Variants in CDH12 observed in about 807,000 individuals in gnomAD.
The protein encoded by CDH12 is cadherin 12.
Under a neutral mutation model 74.1 loss-of-function variants are expected in CDH12, and 41 were observed. The ratio of observed to expected loss-of-function variants is 0.55; its 90% CI spans 0.43 to 0.72. CDH12 has a LOEUF of 0.72. Ranked by LOEUF, CDH12 falls within the 30% of genes least tolerant of loss-of-function variation. The pLI, the probability that CDH12 is intolerant of heterozygous loss-of-function variation, is 0.00. For synonymous variants in CDH12, 399 were observed against 355.0 expected, an observed-to-expected ratio of 1.12 and a Z score of -1.39; for missense variants, 945 against 977.2, an observed-to-expected ratio of 0.97 and a Z score of 0.44.
chr5:22,737,976 G>A (rs573855425), intron 1 of CDH12, among the ~76,000 whole-genome samples: 248 of 152,086 alleles, frequency 1.6e-3, no homozygotes, highest in Non-Finnish European at 2.4e-3. Context: ...TGTAAATTTC[G>A]TTAGTTATGA....
At chr5:22,257,205 GTA>G (rs1472170366) in intron 3 of CDH12, among the ~76,000 whole-genome samples, 1 of 152,040 alleles carries the variant, frequency 6.6e-6, no homozygotes, top group Non-Finnish European at 1.5e-5. Flanking sequence ...AGAGAACCAG[GTA>G]AAATAACTGT....
At chr5:22,828,880 T>C (rs1736455939) in intron 1 of CDH12, among the ~76,000 whole-genome samples, 1 of 152,180 alleles carries the variant, frequency 6.6e-6, no homozygotes, top group Non-Finnish European at 1.5e-5. Flanking sequence ...TTTTCATTCA[T>C]ATCTCCATTC....
chr5:22,370,742 G>A (rs1222299473), intron 3 of CDH12, among the ~76,000 whole-genome samples: 1 of 152,028 alleles, frequency 6.6e-6, no homozygotes, highest in Non-Finnish European at 1.5e-5. Flanking sequence ...TGAGAAAACC[G>A]ATTAAAAACA....
At chr5:22,383,780 C>T (rs577180660) in intron 3 of CDH12, among the ~76,000 whole-genome samples, 1 of 152,112 alleles carries the variant, frequency 6.6e-6, no homozygotes, top group Non-Finnish European at 1.5e-5. Context: ...GATTGTTCAT[C>T]TAAGATGCTA....
At chr5:22,177,693 T>C (rs1222422133) in intron 4 of CDH12, among the ~76,000 whole-genome samples, 1 of 152,006 alleles carries the variant, frequency 6.6e-6, no homozygotes, top group Non-Finnish European at 1.5e-5. Flanking sequence ...TCTGTGAGAC[T>C]TGGAAAAATA....
At chr5:22,480,521 G>A (rs948587030) in intron 2 of CDH12, among the ~76,000 whole-genome samples, 7 of 151,546 alleles carry the variant, frequency 4.6e-5, no homozygotes, top group African/African-American at 7.3e-5. Context: ...GGAATTTGAG[G>A]CTGCAGTGAG....
chr5:21,873,361 A>T (rs995714478), intron 6 of CDH12, among the ~76,000 whole-genome samples: 2 of 152,216 alleles, frequency 1.3e-5, no homozygotes, highest in African/African-American at 4.8e-5. Context: ...TAAAGCCAAC[A>T]AAATCAGAAG....
At chr5:21,809,402 G>A (rs1320583496) in intron 9 of CDH12, among the ~76,000 whole-genome samples, 1 of 152,012 alleles carries the variant, frequency 6.6e-6, no homozygotes, top group African/African-American at 2.4e-5. Context: ...TAAAATATAT[G>A]TGTCATGTCC....
chr5:21,840,728 C>A (rs1749794393), intron 8 of CDH12, among the ~76,000 whole-genome samples: 1 of 152,170 alleles, frequency 6.6e-6, no homozygotes. Flanking sequence ...TGATCTTTGA[C>A]AAACCTGAGA....
At chr5:21,816,675 T>TAAGATAC (rs1378616579) in intron 9 of CDH12, among the ~76,000 whole-genome samples, 2 of 104,320 alleles carry the variant, frequency 1.9e-5, no homozygotes, top group Non-Finnish European at 4.0e-5. Context: ...ATACTATATA[T>TAAGATAC]AAGATACAAA....
intron 1 of CDH12, among the ~76,000 whole-genome samples, chr5:22,608,409 C>A (rs1737227888): frequency 6.6e-6 from 1 of 152,162 alleles, no homozygotes. Context: ...GGTGCATTTA[C>A]CCAATGCCTG....
chr5:22,513,951 GAA>G (rs34448733), intron 1 of CDH12, among the ~76,000 whole-genome samples: 38 of 100,480 alleles, frequency 3.8e-4, no homozygotes, highest in South Asian at 1.5e-3. Flanking sequence ...TCCGTGTCAG[GAA>G]AAAAAAAAAA....
At chr5:22,019,056 T>C (rs1011025934) in intron 5 of CDH12, among the ~76,000 whole-genome samples, 4 of 41,352 alleles carry the variant, frequency 9.7e-5, no homozygotes, top group Non-Finnish European at 1.8e-4. Context: ...CAAGACTGTG[T>C]CTCAAAAAAA....
intron 2 of CDH12, among the ~76,000 whole-genome samples, chr5:22,466,834 G>C (rs1745751825): frequency 7.5e-6 from 1 of 133,916 alleles, no homozygotes; most frequent in African/African-American, 2.9e-5. Flanking sequence ...CTGTCACCAG[G>C]CTGGAGTGCA....
chr5:22,668,648 GTAACCCATTAATCCAGTAACCCAT>G (rs1449820256), intron 1 of CDH12, among the ~76,000 whole-genome samples: 1 of 152,006 alleles, frequency 6.6e-6, no homozygotes, highest in Non-Finnish European at 1.5e-5. Flanking sequence ...CTCTCTTATG[GTAACCCATTAATCCAGTAACCCAT>G]TAATCTGTGA....
At chr5:21,833,700 A>T (rs145723543) in intron 8 of CDH12, among the ~76,000 whole-genome samples, 1 of 148,552 alleles carries the variant, frequency 6.7e-6, no homozygotes, top group Non-Finnish European at 1.5e-5. Context: ...TAAACCAGTG[A>T]TCTTCAGGTT....
chr5:22,574,658 C>T (rs143703567), intron 1 of CDH12, among the ~76,000 whole-genome samples: 1 of 152,172 alleles, frequency 6.6e-6, no homozygotes, highest in Non-Finnish European at 1.5e-5. Context: ...CCTTAAAAAG[C>T]CTCTATCTTA....
intron 1 of CDH12, among the ~76,000 whole-genome samples, chr5:22,695,778 T>C (rs924964485): frequency 2.6e-5 from 4 of 152,200 alleles, no homozygotes; most frequent in African/African-American, 9.6e-5. Flanking sequence ...GAATTTAGTA[T>C]ACTATATTCA....
intron 2 of CDH12, among the ~76,000 whole-genome samples, chr5:22,452,505 AT>A (rs2040374611): frequency 6.6e-6 from 1 of 151,952 alleles, no homozygotes. Flanking sequence ...TTCTGAGAAA[AT>A]TTTTTATCCA....
Sources: gnomAD v4.1 joint callset for allele counts (sites outside exome capture counted in the v4.1 genomes callset) on GRCh38, gnomAD v4.1.1 for gene constraint, MANE v1.5 for transcripts, NCBI Gene and HGNC (gene_info 2026-07-23, HGNC 2026-07-21) for gene names.